Variants in LSAMP observed in about 807,000 individuals in gnomAD.
The protein encoded by LSAMP is limbic system associated membrane protein.
Under a neutral mutation model 38.6 loss-of-function variants are expected in LSAMP, and 7 were observed. The observed-to-expected ratio is 0.18, with a 90% CI of 0.10 to 0.34. The LOEUF (loss-of-function observed/expected upper bound fraction) is 0.34. LSAMP is among the 10% of genes least tolerant of loss of function. The pLI, the probability that LSAMP is intolerant of heterozygous loss-of-function variation, is 1.00. For missense variants in LSAMP, 313 were observed against 420.0 expected (o/e 0.75, Z 2.23); for synonymous variants, 154 against 166.8 (o/e 0.92, Z 0.59).
intron 3 of LSAMP, among the ~76,000 whole-genome samples, chr3:115,967,997 C>T (rs1199586502): frequency 2.6e-5 from 4 of 152,100 alleles, no homozygotes; most frequent in African/African-American, 4.8e-5. Context: ...ACAGTGAGTA[C>T]TGCCTGGCTA....
At chr3:116,374,395 G>A (rs776542688) in intron 1 of LSAMP, among the ~76,000 whole-genome samples, 7 of 151,780 alleles carry the variant, frequency 4.6e-5, no homozygotes, top group Non-Finnish European at 7.4e-5. Flanking sequence ...CCATAAGAAC[G>A]ATGCCATTTG....
At chr3:116,007,622 A>G (rs1940200315) in intron 3 of LSAMP, among the ~76,000 whole-genome samples, 1 of 152,040 alleles carries the variant, frequency 6.6e-6, no homozygotes, top group Non-Finnish European at 1.5e-5. Flanking sequence ...AATTCTAACC[A>G]AACAAATGTG....
intron 3 of LSAMP, among the ~76,000 whole-genome samples, chr3:115,928,018 G>T (rs1429521566): frequency 6.6e-6 from 1 of 152,108 alleles, no homozygotes; most frequent in African/African-American, 2.4e-5. Context: ...ATGTTTATGA[G>T]GGCAGTGAAA....
At chr3:116,141,923 T>C (rs1709379368) in intron 1 of LSAMP, among the ~76,000 whole-genome samples, 2 of 151,920 alleles carry the variant, frequency 1.3e-5, no homozygotes, top group South Asian at 2.1e-4. Flanking sequence ...AGCGAGGAAA[T>C]TGGTCAAGGG....
intron 3 of LSAMP, among the ~76,000 whole-genome samples, chr3:115,869,301 A>AGAGAGAGACT (rs1410947626): frequency 6.6e-6 from 1 of 151,452 alleles, no homozygotes; most frequent in African/African-American, 2.4e-5. Flanking sequence ...AGAGAGAGAG[A>AGAGAGAGACT]GACTGACTGA....
chr3:115,939,038 G>A (rs1027350894), intron 3 of LSAMP, among the ~76,000 whole-genome samples: 2 of 152,026 alleles, frequency 1.3e-5, no homozygotes, highest in African/African-American at 4.8e-5. Flanking sequence ...GAAACATGTA[G>A]GAACATAATA....
rs375518393 is a variant in LSAMP at position 115,924,279 on chromosome 3, C to T, written c.515-71662G>A. 1.1e-4 allele frequency among the ~76,000 whole-genome samples: 16 copies of T among 152,210 alleles called. No homozygotes were observed. In the East Asian group the frequency reaches 2.9e-3, roughly 28 times the overall value. On this transcript the variant is annotated intron_variant, in intron 3 of 6. Transcript: ENST00000490035. ...TACCTTAGGCCTCTTCCATTGTGGCCATCTAATCTTCTTTATTTGGATCAG... is the reference window on the plus strand; with the variant it reads ...TACCTTAGGCCTCTTCCATTGTGGCTATCTAATCTTCTTTATTTGGATCAG...
At chr3:116,227,385 C>T (rs1000048257) in intron 1 of LSAMP, among the ~76,000 whole-genome samples, 2 of 152,148 alleles carry the variant, frequency 1.3e-5, no homozygotes, top group African/African-American at 2.4e-5. Flanking sequence ...TTAAGTTTTA[C>T]TTCCTTCTCT....
chr3:115,819,301 G>C (rs1171157269), intron 6 of LSAMP, among the ~76,000 whole-genome samples: 1 of 152,048 alleles, frequency 6.6e-6, no homozygotes, highest in Non-Finnish European at 1.5e-5. Flanking sequence ...TGGGTGTGGT[G>C]GTACGTGTCT....
intron 3 of LSAMP, among the ~76,000 whole-genome samples, chr3:115,855,517 A>C (rs1935477952): frequency 6.6e-6 from 1 of 152,148 alleles, no homozygotes. Flanking sequence ...CTCCTGTGAT[A>C]GCTCTCCTCC....
At chr3:116,002,808 AT>A (rs1317239036) in intron 3 of LSAMP, among the ~76,000 whole-genome samples, 1 of 152,044 alleles carries the variant, frequency 6.6e-6, no homozygotes, top group Non-Finnish European at 1.5e-5. Flanking sequence ...TTTATCTCAT[AT>A]TTGGGTTTTC....
intron 3 of LSAMP, among the ~76,000 whole-genome samples, chr3:115,910,026 A>G (rs1559877058): frequency 1.3e-5 from 2 of 152,222 alleles, no homozygotes; most frequent in African/African-American, 2.4e-5. Context: ...GGTCTCAATC[A>G]TAACAATATT....
intron 3 of LSAMP, among the ~76,000 whole-genome samples, chr3:115,933,084 C>T (rs1023417434): frequency 4.6e-5 from 7 of 152,098 alleles, no homozygotes; most frequent in Non-Finnish European, 7.3e-5. Context: ...CAAGGAAGGT[C>T]GGAGCATAGA....
intron 3 of LSAMP, among the ~76,000 whole-genome samples, chr3:115,953,404 TACACACACACACACACACAC>T (rs71616336): frequency 2.1e-5 from 3 of 143,594 alleles, no homozygotes; most frequent in Admixed American, 1.4e-4. Flanking sequence ...GTAGTGTGCG[TACACACACACACACACACAC>T]ACACACACAC....
intron 1 of LSAMP, among the ~76,000 whole-genome samples, chr3:116,419,345 G>T (rs1014196384): frequency 6.6e-6 from 1 of 152,118 alleles, no homozygotes; most frequent in East Asian, 1.9e-4. Context: ...TCCCCTGAAT[G>T]TGTACTCAAG....
intron 3 of LSAMP, among the ~76,000 whole-genome samples, chr3:115,904,187 G>A (rs1275903555): frequency 2.0e-5 from 3 of 152,022 alleles, no homozygotes; most frequent in Non-Finnish European, 4.4e-5. Flanking sequence ...AAAATTGGAT[G>A]TCACTATAGA....
intron 1 of LSAMP, among the ~76,000 whole-genome samples, chr3:116,322,383 G>A (rs2047716958): frequency 6.6e-6 from 1 of 152,186 alleles, no homozygotes; most frequent in Non-Finnish European, 1.5e-5. Context: ...CCAGAAACAT[G>A]CAGAGACTCA....
intron 2 of LSAMP, among the ~76,000 whole-genome samples, chr3:116,041,760 T>C (rs1361026525): frequency 7.0e-6 from 1 of 143,400 alleles, no homozygotes; most frequent in East Asian, 2.1e-4. Flanking sequence ...AAGTCATACA[T>C]ATGTTTTGGG....
intron 1 of LSAMP, among the ~76,000 whole-genome samples, chr3:116,420,586 G>T (rs1204675182): frequency 6.6e-6 from 1 of 151,946 alleles, no homozygotes; most frequent in Non-Finnish European, 1.5e-5. Context: ...AATAAATTGG[G>T]CCGGGCGCGG....
Sources: allele counts gnomAD v4.1 joint callset (sites outside exome capture counted in the v4.1 genomes callset), GRCh38; gene constraint gnomAD v4.1.1; transcripts MANE v1.5; gene names NCBI Gene and HGNC (gene_info 2026-07-23, HGNC 2026-07-21).